The following XYLB variants were observed in gnomAD, a reference collection of about 807,000 sequenced individuals.
XYLB encodes xylulose kinase.
In XYLB, 62 loss-of-function variants were observed where a neutral mutation model predicts 78.7. That is an observed-to-expected ratio of 0.79 (90% CI 0.64 to 0.97). The LOEUF (loss-of-function observed/expected upper bound fraction) is 0.97, where lower values mean the gene tolerates loss of function less well. Among genes scored for constraint, XYLB ranks in the 50% least tolerant of loss-of-function variants. XYLB has a pLI of 0.00. For missense variants in XYLB, 687 were observed against 676.8 expected (o/e 1.02, Z -0.17); for synonymous variants, 245 against 247.4 (o/e 0.99, Z 0.09).
At chr3:38,450,238 A>G in the XYLB span, among the ~76,000 whole-genome samples, 1 of 152,226 alleles carries the variant, frequency 6.6e-6, no homozygotes, top group East Asian at 1.9e-4. Flanking sequence ...TATTTTCTCA[A>G]ATGAAGAAAT....
downstream of XYLB, chr3:38,421,281 C>T (rs1299697401): frequency 6.6e-6 from 1 of 152,464 alleles, no homozygotes; most frequent in Non-Finnish European, 1.5e-5. Flanking sequence ...GGGGCTCGAA[C>T]CTGGGTCGAA....
rs1443565256 is a variant in XYLB, at chr3:38,376,901, TC to T, written c.1121-15del. On this transcript the variant is annotated splice_polypyrimidine_tract_variant and intron_variant, in intron 13 of 18. Transcript: ENST00000207870. ...TTTTGACTAATGACGGCTGATCTCT[TC>T]CTGGTTTTATTTCAGGTTTTTATTT... The T allele has an allele frequency of 6.2e-7, 1 of 1,610,304 alleles. No homozygotes were observed. Among genetic ancestry groups the T allele is most frequent in the South Asian group, 1.1e-5 (1 of 90,852 alleles).
chr3:38,365,774 G>C (rs1167963780), intron 6 of XYLB, 38 bp downstream of exon 6: 1 of 1,584,932 alleles, frequency 6.3e-7, no homozygotes, highest in Non-Finnish European at 8.6e-7. Context: ...GGGTGGTCTG[G>C]TTGCAAGCTC....
chr3:38,432,048 G>A, the XYLB span, among the ~76,000 whole-genome samples: 3 of 152,010 alleles, frequency 2.0e-5, no homozygotes, highest in African/African-American at 7.2e-5. Flanking sequence ...CAAAACAAAG[G>A]GGCCACAGTC....
intron 15 of XYLB, among the ~76,000 whole-genome samples, chr3:38,387,450 A>G (rs1184851361): frequency 6.6e-6 from 1 of 151,974 alleles, no homozygotes; most frequent in Non-Finnish European, 1.5e-5. Flanking sequence ...GGCTCACTCC[A>G]ACCTCCACCT....
chr3:38,369,357 C>T (rs746506465), intron 8 of XYLB, among the ~76,000 whole-genome samples: 19 of 152,168 alleles, frequency 1.2e-4, no homozygotes, highest in Non-Finnish European at 1.9e-4. Context: ...AGCTGATAAC[C>T]GCAGCAGCTG....
At chr3:38,428,502 T>C in the XYLB span, among the ~76,000 whole-genome samples, 1 of 152,202 alleles carries the variant, frequency 6.6e-6, no homozygotes, top group Non-Finnish European at 1.5e-5. Flanking sequence ...GAGGTTCTAT[T>C]ACTTGGACAT....
At chr3:38,356,745 C>T (rs1024297234) in intron 2 of XYLB, 2 of 152,146 alleles carry the variant, frequency 1.3e-5, no homozygotes, top group Non-Finnish European at 2.9e-5. Context: ...TTTGTTTTTC[C>T]ATTCAACTTT....
intron 2 of XYLB, chr3:38,356,047 C>T (rs746218930): frequency 7.5e-6 from 3 of 400,018 alleles, no homozygotes; most frequent in Non-Finnish European, 1.4e-5. Context: ...GTCAGGAGAT[C>T]GAGACCATCC....
chr3:38,434,149 T>C, the XYLB span, among the ~76,000 whole-genome samples: 1 of 152,134 alleles, frequency 6.6e-6, no homozygotes, highest in Non-Finnish European at 1.5e-5. Flanking sequence ...GGGAAAACCA[T>C]CTCCATGTTT....
In XYLB at chr3:38,376,228, C is replaced by T. The variant is rs1706848351; in HGVS notation, c.1116C>T (p.Asn372=). ...CCACAGAGATGGGCAACGGTGGAAA[C>T]CTGGGTAGGCCAGTTGGTGGTGCCC... The part of the protein sequence containing the change: ...LQSTEMGNGG[N]LGFYFDVMEI... The change falls in exon 13 of 19, where the codon AAC becomes AAT. Residue 372 remains asparagine, a synonymous_variant. Transcript: ENST00000207870. 1 of 1,606,712 alleles carries T rather than the reference C, an allele frequency of 6.2e-7. No individual in the cohort carries two copies. Among genetic ancestry groups the T allele is most frequent in the East Asian group, 2.2e-5 (1 of 44,840 alleles).
intron 2 of XYLB, among the ~76,000 whole-genome samples, chr3:38,357,593 A>G (rs898503117): frequency 2.0e-5 from 3 of 152,080 alleles, no homozygotes; most frequent in Admixed American, 6.6e-5. Flanking sequence ...TCACCGTGTT[A>G]GCCAGGATGG....
At chr3:38,431,273 C>T in the XYLB span, among the ~76,000 whole-genome samples, 6 of 152,060 alleles carry the variant, frequency 3.9e-5, no homozygotes, top group Non-Finnish European at 8.8e-5. Flanking sequence ...CCTTCACGTC[C>T]CTTGGAAGTT....
At chr3:38,368,041 C>A in intron 7 of XYLB, 144 bp from the exon 8 acceptor site, 1 of 715,812 alleles carries the variant, frequency 1.4e-6, no homozygotes, top group Non-Finnish European at 2.5e-6. Flanking sequence ...CTGAGATGCA[C>A]AGTCTCCACC....
chr3:38,448,100 G>A, the XYLB span, among the ~76,000 whole-genome samples: 1 of 152,078 alleles, frequency 6.6e-6, no homozygotes, highest in Non-Finnish European at 1.5e-5. Flanking sequence ...CAGCATCGTG[G>A]ATGGATCTGG....
At chr3:38,423,305 C>T (rs960241419), downstream of XYLB, among the ~76,000 whole-genome samples, 1 of 152,152 alleles carries the variant, frequency 6.6e-6, no homozygotes, top group Non-Finnish European at 1.5e-5. Context: ...ATCTCCTGAC[C>T]TTGTGATCCA....
intron 18 of XYLB, among the ~76,000 whole-genome samples, chr3:38,408,285 C>T (rs1289700702): frequency 1.3e-5 from 2 of 152,074 alleles, no homozygotes; most frequent in African/African-American, 2.4e-5. Flanking sequence ...TGAATGACTA[C>T]TGGGTACATA....
intron 2 of XYLB, among the ~76,000 whole-genome samples, chr3:38,354,112 C>T (rs1338415748): frequency 2.6e-5 from 4 of 151,940 alleles, no homozygotes; most frequent in South Asian, 2.1e-4. Context: ...CTCGCTCTGT[C>T]GCCCAGGCTG....
At chr3:38,402,088 C>T (rs1708144913) in intron 18 of XYLB, among the ~76,000 whole-genome samples, 1 of 151,966 alleles carries the variant, frequency 6.6e-6, no homozygotes, top group Non-Finnish European at 1.5e-5. Flanking sequence ...CCCTTGGCCC[C>T]CAAATTCCAC....
Sources: gnomAD v4.1 joint callset for allele counts (sites outside exome capture counted in the v4.1 genomes callset) on GRCh38, gnomAD v4.1.1 for gene constraint, MANE v1.5 for transcripts, NCBI Gene and HGNC (gene_info 2026-07-23, HGNC 2026-07-21) for gene names.